Variants in SRRM3 observed in about 807,000 individuals in gnomAD.
SRRM3 encodes serine/arginine repetitive matrix protein 3.
SRRM3 carries 27 observed loss-of-function variants against 66.2 expected under a neutral mutation model. The ratio of observed to expected loss-of-function variants is 0.41; its 90% CI spans 0.30 to 0.56. The LOEUF (loss-of-function observed/expected upper bound fraction) is 0.56, where lower values mean the gene tolerates loss of function less well. SRRM3 is among the 20% of genes least tolerant of loss of function. The pLI is 0.32. For synonymous variants in SRRM3, 391 were observed against 414.9 expected, an observed-to-expected ratio of 0.94 and a Z score of 0.70; for missense variants, 918 against 991.9, an observed-to-expected ratio of 0.93 and a Z score of 1.00.
chr7:76,245,727 G>A (rs1269979940), intron 2 of SRRM3, among the ~76,000 whole-genome samples: 1 of 152,064 alleles, frequency 6.6e-6, no homozygotes, highest in Non-Finnish European at 1.5e-5. Context: ...ACGGAGTCTC[G>A]CTCTGTCACC....
chr7:76,280,752 C>T (rs1175761718), intron 11 of SRRM3, among the ~76,000 whole-genome samples: 2 of 150,492 alleles, frequency 1.3e-5, no homozygotes, highest in African/African-American at 2.4e-5. Flanking sequence ...GCCCTCTCTC[C>T]TTCTCTCCCC....
At chr7:76,209,045 G>A (rs531796525) in intron 1 of SRRM3, among the ~76,000 whole-genome samples, 7 of 152,124 alleles carry the variant, frequency 4.6e-5, no homozygotes, top group Non-Finnish European at 1.0e-4. Context: ...GCTGCAACGA[G>A]CTATGATTGC....
At chr7:76,225,615 C>T (rs1286654856) in intron 1 of SRRM3, among the ~76,000 whole-genome samples, 2 of 152,098 alleles carry the variant, frequency 1.3e-5, no homozygotes, top group African/African-American at 4.8e-5. Flanking sequence ...GAGGAGTTTG[C>T]TCACTCCTGT....
intron 1 of SRRM3, among the ~76,000 whole-genome samples, chr7:76,221,214 C>G (rs1253541838): frequency 1.3e-5 from 2 of 151,870 alleles, no homozygotes; most frequent in African/African-American, 4.8e-5. Flanking sequence ...CCCGCCACCA[C>G]ACCCAGTTAA....
At chr7:76,255,038 G>A (rs1477836114) in intron 3 of SRRM3, among the ~76,000 whole-genome samples, 1 of 152,022 alleles carries the variant, frequency 6.6e-6, no homozygotes, top group East Asian at 1.9e-4. Flanking sequence ...CTTGGGAATC[G>A]GGACTTGTTT....
chr7:76,240,055 A>G (rs1801244581), intron 2 of SRRM3, among the ~76,000 whole-genome samples: 1 of 152,022 alleles, frequency 6.6e-6, no homozygotes, highest in Non-Finnish European at 1.5e-5. Context: ...AATTCCAGCT[A>G]CTCAGGAGGC....
rs561346527 is a variant in SRRM3 at position 76,232,810 on chromosome 7, C to CG, written c.-39-2215dup. ...CTTTAAGCCAAGGTAACAAGAGTCA[C>CG]GGGAGGCTGCTAACCAGGGCATGAC... On this transcript the variant is annotated intron_variant, in intron 1 of 14. Coordinates refer to ENST00000611745, the MANE Select transcript of SRRM3 (RefSeq NM_001110199.3). Among the ~76,000 whole-genome samples the CG allele has an allele frequency of 8.2e-4, 125 of 151,964 alleles. 1 individual carries two copies. Among genetic ancestry groups the CG allele is most frequent in the African/African-American group, 2.8e-3 (117 of 41,416 alleles).
Position 76,207,518 on chromosome 7 carries a change from G to T in SRRM3, c.-40+5451G>T, listed in dbSNP as rs556934348. ...TTAAATAACCAGGAACATGCTGCTG[G>T]AGGAGGTCTGTTGCTGTTTTTACTC... On this transcript the variant is annotated intron_variant, in intron 1 of 14. Transcript: ENST00000611745. 7.2e-5 allele frequency among the ~76,000 whole-genome samples: 11 copies of T among 152,254 alleles called. No homozygotes were observed. The South Asian group carries it at 2.3e-3, about 32-fold the overall frequency.
At chr7:76,213,128 G>C (rs1351473695) in intron 1 of SRRM3, among the ~76,000 whole-genome samples, 1 of 147,758 alleles carries the variant, frequency 6.8e-6, no homozygotes, top group African/African-American at 2.5e-5. Context: ...TCCTGCCTCA[G>C]CCTCCCTAGT....
At chr7:76,279,610 C>T (rs1441283992) in intron 11 of SRRM3, among the ~76,000 whole-genome samples, 1 of 151,474 alleles carries the variant, frequency 6.6e-6, no homozygotes, top group African/African-American at 2.4e-5. Flanking sequence ...ATCCTGGAAT[C>T]TTTGCCCTGG....
At chr7:76,242,771 A>C (rs782392068) in intron 2 of SRRM3, among the ~76,000 whole-genome samples, 3 of 152,166 alleles carry the variant, frequency 2.0e-5, no homozygotes, top group Non-Finnish European at 4.4e-5. Context: ...TCGCATGCGC[A>C]GTTCACAACA....
intron 6 of SRRM3, 52 bp from the exon 7 acceptor site, chr7:76,261,300 G>GCC: frequency 1.9e-6 from 1 of 519,210 alleles, no homozygotes; most frequent in South Asian, 2.7e-5. Flanking sequence ...GCCATTTCCA[G>GCC]CCCCCCACCC....
intron 3 of SRRM3, among the ~76,000 whole-genome samples, chr7:76,251,168 G>T (rs1801572290): frequency 6.6e-6 from 1 of 152,218 alleles, no homozygotes; most frequent in Admixed American, 6.5e-5. Context: ...GTCCTCTGTG[G>T]GGCTGTGTTC....
chr7:76,254,208 C>T lies in SRRM3; in HGVS notation c.336-5698C>T, dbSNP rs541650609. ...TTTGGGTTTTTTTTTTTTGTACAGA[C>T]GGGGGTCTTGCTTTCTTGCCCAGGC... On this transcript the variant is annotated intron_variant, in intron 3 of 14. Transcript: ENST00000611745. Among the ~76,000 whole-genome samples the T allele has an allele frequency of 1.0e-4, 15 of 149,508 alleles. No homozygotes were observed. The South Asian group carries it at 1.7e-3, about 17-fold the overall frequency.
chr7:76,263,877 C>CAAAAAAAAAAAAAAAA (rs781852712), intron 8 of SRRM3, among the ~76,000 whole-genome samples: 1 of 49,524 alleles, frequency 2.0e-5, no homozygotes, highest in African/African-American at 6.0e-5. Flanking sequence ...TGTCTCAAGA[C>CAAAAAAAAAAAAAAAA]AAAAAAAAAA....
In SRRM3 at chr7:76,281,564, C is replaced by T. The variant is rs1307464451; in HGVS notation, c.1132C>T (p.Arg378Cys). The T allele has an allele frequency of 2.9e-6, 3 of 1,031,754 alleles. 1 individual carries two copies. The highest frequency in any genetic ancestry group is 4.6e-4 in the Middle Eastern group (1 of 2,158). 63.9% of individuals were successfully genotyped at this position (1,031,754 alleles called of 1,614,324 possible). ...GCCGTCGTCCCAAGGTCGCGGAGGC[C>T]GCGCGGCGGGCGGGGCGGGCAGGCG... The part of the protein sequence containing the change: ...SAPSSQGRGG[R>C]AAGGAGRRRR... The change falls in exon 12 of 15, where the codon CGC (arginine) becomes TGC (cysteine). Residue 378 changes from arginine to cysteine, a missense_variant. Coordinates refer to ENST00000611745, the MANE Select transcript of SRRM3 (RefSeq NM_001110199.3).
intron 11 of SRRM3, among the ~76,000 whole-genome samples, chr7:76,278,287 GACCA>G (rs1802409078): frequency 6.6e-6 from 1 of 152,134 alleles, no homozygotes; most frequent in African/African-American, 2.4e-5. Flanking sequence ...AGGGGCTCAA[GACCA>G]GCCTGGCCAA....
intron 12 of SRRM3, 69 bp from the exon 13 acceptor site, chr7:76,282,579 G>GCCCCCCCCCCCCCCCCCCCCCC: frequency 1.4e-6 from 1 of 716,100 alleles, no homozygotes. Context: ...CCGCCCCAGG[G>GCCCCCCCCCCCCCCCCCCCCCC]AACCCTCCCC....
chr7:76,274,700 C>T (rs1554610887), intron 11 of SRRM3, among the ~76,000 whole-genome samples: 1 of 152,218 alleles, frequency 6.6e-6, no homozygotes, highest in African/African-American at 2.4e-5. Context: ...CAGCCCAGGG[C>T]TCATCCAGCC....
Sources: gnomAD v4.1 joint callset for allele counts (sites outside exome capture counted in the v4.1 genomes callset) on GRCh38, gnomAD v4.1.1 for gene constraint, MANE v1.5 for transcripts, NCBI Gene and HGNC (gene_info 2026-07-23, HGNC 2026-07-21) for gene names.